The following FGF14 variants were observed in gnomAD, a reference collection of about 807,000 sequenced individuals.
The protein encoded by FGF14 is fibroblast growth factor 14, also known as fibroblast growth factor homologous factor 4.
FGF14 carries 5 observed loss-of-function variants against 25.5 expected under a neutral mutation model. That is an observed-to-expected ratio of 0.20 (90% CI 0.10 to 0.41). The LOEUF is 0.41. FGF14 is among the 10% of genes least tolerant of loss of function. FGF14 has a pLI of 1.00. For synonymous variants in FGF14, 138 were observed against 118.3 expected (o/e 1.17, Z -1.08); for missense variants, 222 against 320.1 (o/e 0.69, Z 2.34).
intron 1 of FGF14, among the ~76,000 whole-genome samples, chr13:102,067,664 T>C (rs1230100095): frequency 6.7e-6 from 1 of 148,760 alleles, no homozygotes; most frequent in Non-Finnish European, 1.5e-5. Context: ...TACAAAAACC[T>C]CAAAAAGGCA....
intron 3 of FGF14, among the ~76,000 whole-genome samples, chr13:101,764,008 T>G (rs2038221467): frequency 6.6e-6 from 1 of 152,024 alleles, no homozygotes; most frequent in Non-Finnish European, 1.5e-5. Flanking sequence ...TAGTGTGAAT[T>G]TGAAGTAAGA....
At chr13:102,074,501 AC>A (rs1244718608) in intron 1 of FGF14, among the ~76,000 whole-genome samples, 5 of 152,236 alleles carry the variant, frequency 3.3e-5, no homozygotes, top group Non-Finnish European at 7.3e-5. Context: ...CATGTTAGAC[AC>A]TGGAAACACA....
chr13:101,832,271 C>T (rs573117474), intron 3 of FGF14, among the ~76,000 whole-genome samples: 4 of 152,100 alleles, frequency 2.6e-5, no homozygotes, highest in South Asian at 2.1e-4. Context: ...AGAGAGAGCA[C>T]GGCCCAGCTA....
chr13:102,350,870 G>C (rs151201549), intron 1 of FGF14, among the ~76,000 whole-genome samples: 1 of 152,270 alleles, frequency 6.6e-6, no homozygotes, highest in Non-Finnish European at 1.5e-5. Flanking sequence ...CTACATAAGC[G>C]TGGTCACTGG....
At chr13:101,757,190 C>T (rs1034384504) in intron 3 of FGF14, among the ~76,000 whole-genome samples, 3 of 152,216 alleles carry the variant, frequency 2.0e-5, no homozygotes, top group Middle Eastern at 3.4e-3. Context: ...TTTTCTTTTT[C>T]TCCTTTGGTA....
chr13:102,142,178 C>G (rs374793062), intron 1 of FGF14, among the ~76,000 whole-genome samples: 1 of 152,144 alleles, frequency 6.6e-6, no homozygotes. Flanking sequence ...ACCACACTTA[C>G]AATCTTTGGA....
At chr13:102,387,090 C>T (rs977919268) in intron 1 of FGF14, among the ~76,000 whole-genome samples, 2 of 152,106 alleles carry the variant, frequency 1.3e-5, no homozygotes, top group Non-Finnish European at 2.9e-5. Context: ...AATAAGGATC[C>T]TAGTTTTAAA....
intron 3 of FGF14, among the ~76,000 whole-genome samples, chr13:101,812,646 TATA>T (rs1437830928): frequency 7.0e-3 from 83 of 11,810 alleles, no homozygotes; most frequent in Non-Finnish European, 9.2e-3. Context: ...TATATATATA[TATA>T]TATATTTTTT....
chr13:102,108,458 G>A (rs1352304408), intron 1 of FGF14, among the ~76,000 whole-genome samples: 1 of 152,210 alleles, frequency 6.6e-6, no homozygotes, highest in Non-Finnish European at 1.5e-5. Context: ...ACGGGGAGAC[G>A]TGTTTAAAAA....
chr13:102,191,231 G>A (rs2049110281), intron 1 of FGF14, among the ~76,000 whole-genome samples: 3 of 152,272 alleles, frequency 2.0e-5, no homozygotes, highest in African/African-American at 7.2e-5. Flanking sequence ...TAAAATTTGG[G>A]CAAACAAGAA....
At chr13:102,304,198 A>G (rs1287494476) in intron 1 of FGF14, among the ~76,000 whole-genome samples, 1 of 151,972 alleles carries the variant, frequency 6.6e-6, no homozygotes, top group Non-Finnish European at 1.5e-5. Flanking sequence ...CTTCTCTGAA[A>G]CCCAGTCCCT....
chr13:101,968,338 T>C (rs1401289024), intron 1 of FGF14, among the ~76,000 whole-genome samples: 1 of 152,196 alleles, frequency 6.6e-6, no homozygotes, highest in African/African-American at 2.4e-5. Flanking sequence ...ACCTGTTGGA[T>C]GTACAAAATC....
At chr13:101,983,083 G>A (rs2038360424) in intron 1 of FGF14, among the ~76,000 whole-genome samples, 1 of 145,562 alleles carries the variant, frequency 6.9e-6, no homozygotes, top group African/African-American at 2.8e-5. Flanking sequence ...GGCTGTTTGT[G>A]TATTGTCTCT....
At chr13:102,323,764 A>T (rs1431706670) in intron 1 of FGF14, among the ~76,000 whole-genome samples, 1 of 152,190 alleles carries the variant, frequency 6.6e-6, no homozygotes, top group Admixed American at 6.5e-5. Context: ...ACCTCCTAGT[A>T]GCAATAAAAT....
Position 102,162,965 on chromosome 13 carries a change from T to C in FGF14, c.208+238506A>G, listed in dbSNP as rs572793038. ...CACTAAGGGAGAAAATGAATGATGG[T>C]TCTAATTCTTGGAGAAACCTATCTG... On this transcript the variant is annotated intron_variant, in intron 1 of 4. Transcript: ENST00000376131. Among the ~76,000 whole-genome samples the C allele has an allele frequency of 4.7e-4, 72 of 152,284 alleles. 1 individual carries two copies. Among genetic ancestry groups the C allele is most frequent in the African/African-American group, 1.7e-3 (70 of 41,568 alleles).
chr13:102,334,892 A>G (rs908020391), intron 1 of FGF14, among the ~76,000 whole-genome samples: 1 of 152,156 alleles, frequency 6.6e-6, no homozygotes, highest in Non-Finnish European at 1.5e-5. Context: ...TTATGTTGGT[A>G]GAGGCACCCC....
intron 1 of FGF14, among the ~76,000 whole-genome samples, chr13:101,981,307 G>C (rs546966531): frequency 6.6e-6 from 1 of 152,092 alleles, no homozygotes; most frequent in East Asian, 1.9e-4. Flanking sequence ...AGAGGCCCCA[G>C]TAAGCTGCCT....
At chr13:102,008,750 G>A (rs570426583) in intron 1 of FGF14, among the ~76,000 whole-genome samples, 24 of 152,078 alleles carry the variant, frequency 1.6e-4, no homozygotes, top group African/African-American at 5.3e-4. Flanking sequence ...AACTTGTTAC[G>A]GGAACTAATC....
At chr13:101,812,653 ATTTTTT>A (rs869237724) in intron 3 of FGF14, among the ~76,000 whole-genome samples, 3 of 11,608 alleles carry the variant, frequency 2.6e-4, no homozygotes, top group African/African-American at 5.7e-4. Context: ...ATATATATAT[ATTTTTT>A]TTTTTTTTTT....
Sources: allele counts gnomAD v4.1 joint callset (sites outside exome capture counted in the v4.1 genomes callset), GRCh38; gene constraint gnomAD v4.1.1; transcripts MANE v1.5; gene names NCBI Gene and HGNC (gene_info 2026-07-23, HGNC 2026-07-21).